The following PTPRM variants were observed in gnomAD, a reference collection of about 807,000 sequenced individuals.
The protein encoded by PTPRM is protein tyrosine phosphatase receptor type M.
A neutral mutation model predicts 186.7 loss-of-function variants in PTPRM; 47 were observed. That is an observed-to-expected ratio of 0.25 (90% CI 0.20 to 0.32). PTPRM has a LOEUF of 0.32. Ranked by LOEUF, PTPRM falls within the 10% of genes least tolerant of loss-of-function variation. The pLI is 1.00. For synonymous variants in PTPRM, 668 were observed against 674.9 expected, an observed-to-expected ratio of 0.99 and a Z score of 0.16; for missense variants, 1,494 against 1,865.0, an observed-to-expected ratio of 0.80 and a Z score of 3.66.
intron 7 of PTPRM, among the ~76,000 whole-genome samples, chr18:8,011,294 A>T (rs892159455): frequency 1.3e-5 from 2 of 152,118 alleles, no homozygotes; most frequent in African/African-American, 2.4e-5. Flanking sequence ...CAATGTCCCA[A>T]ATCTCTGAAA....
intron 14 of PTPRM, among the ~76,000 whole-genome samples, chr18:8,181,343 G>A (rs150990323): frequency 2.5e-4 from 38 of 152,280 alleles, no homozygotes; most frequent in African/African-American, 5.8e-4. Flanking sequence ...CATAGAAAGC[G>A]TGGCAATTGC....
At position 8,400,613 on chromosome 18, in the gene PTPRM, C is replaced by G. The variant is rs146520776; in HGVS notation, c.4345-5496C>G. Among the ~76,000 whole-genome samples, 404 of 152,302 alleles carry G rather than the reference C, an allele frequency of 2.7e-3. 2 individuals carry two copies. The highest frequency in any genetic ancestry group is 7.8e-3 in the African/African-American group (326 of 41,552). ...TGTTCACAGCTCGCCGCCCCCTCCC[C>G]CTCCGTCCCACTTACTCCAGAGCCA... On this transcript the variant is annotated intron_variant, in intron 32 of 32. Coordinates refer to ENST00000580170, the MANE Select transcript of PTPRM (RefSeq NM_001105244.2).
chr18:7,757,795 G>A (rs966232888), intron 1 of PTPRM, among the ~76,000 whole-genome samples: 1 of 152,180 alleles, frequency 6.6e-6, no homozygotes, highest in Non-Finnish European at 1.5e-5. Flanking sequence ...ATGTCCAGAA[G>A]GGGGTCTGAG....
chr18:8,117,626 A>G (rs1021591001), intron 13 of PTPRM, among the ~76,000 whole-genome samples: 1 of 152,218 alleles, frequency 6.6e-6, no homozygotes, highest in Non-Finnish European at 1.5e-5. Flanking sequence ...ATTATTATAT[A>G]TCTCCATACG....
intron 23 of PTPRM, among the ~76,000 whole-genome samples, chr18:8,367,660 G>A (rs2095640251): frequency 6.6e-6 from 1 of 152,242 alleles, no homozygotes; most frequent in African/African-American, 2.4e-5. Flanking sequence ...GCCCGAGAGG[G>A]CCCAGGGTCG....
chr18:7,843,188 G>A (rs1168452853), intron 2 of PTPRM, among the ~76,000 whole-genome samples: 2 of 151,702 alleles, frequency 1.3e-5, no homozygotes, highest in Non-Finnish European at 2.9e-5. Context: ...GGACTCCAGG[G>A]CTCACATGTT....
intron 1 of PTPRM, among the ~76,000 whole-genome samples, chr18:7,630,409 C>G (rs1294938382): frequency 6.6e-6 from 1 of 152,074 alleles, no homozygotes; most frequent in Non-Finnish European, 1.5e-5. Context: ...GTGACTTCAG[C>G]AAGAGCCGTT....
At chr18:7,681,858 C>T (rs1166406623) in intron 1 of PTPRM, among the ~76,000 whole-genome samples, 2 of 152,090 alleles carry the variant, frequency 1.3e-5, no homozygotes, top group African/African-American at 4.8e-5. Flanking sequence ...AGGAGAGGGG[C>T]CCCTGGAAGT....
intron 2 of PTPRM, among the ~76,000 whole-genome samples, chr18:7,810,338 G>A (rs1013480517): frequency 1.3e-5 from 2 of 152,228 alleles, no homozygotes; most frequent in African/African-American, 4.8e-5. Flanking sequence ...TTGTGCATGT[G>A]TTACTGTGCT....
rs150231602 is a variant in PTPRM at position 8,375,701 on chromosome 18, C to T, written c.3172-345C>T. ...TCTTTCTCTACAGACTCTCACCTCA[C>T]CAGCCACCTTGTGATCTAAGTGAGA... On this transcript the variant is annotated intron_variant, in intron 24 of 32. Transcript: ENST00000580170. Among the ~76,000 whole-genome samples the T allele has an allele frequency of 3.4e-3, 511 of 152,334 alleles. 2 individuals are homozygous for T. The highest frequency in any genetic ancestry group is 0.012 in the African/African-American group (479 of 41,578).
intron 1 of PTPRM, among the ~76,000 whole-genome samples, chr18:7,601,611 C>G (rs1442584423): frequency 6.6e-6 from 1 of 152,234 alleles, no homozygotes; most frequent in Non-Finnish European, 1.5e-5. Flanking sequence ...TTATTCTCTT[C>G]TGTGTGTCTC....
intron 7 of PTPRM, among the ~76,000 whole-genome samples, chr18:8,031,397 C>T (rs1428115136): frequency 6.6e-6 from 1 of 152,090 alleles, no homozygotes; most frequent in African/African-American, 2.4e-5. Context: ...GGACATCATG[C>T]GTTTGATATT....
At chr18:8,099,349 G>A (rs1240729743) in intron 11 of PTPRM, among the ~76,000 whole-genome samples, 2 of 152,142 alleles carry the variant, frequency 1.3e-5, no homozygotes, top group Non-Finnish European at 2.9e-5. Context: ...CTCCTTCAGG[G>A]CCAGGCCTGT....
At chr18:8,014,592 G>C (rs1004063532) in intron 7 of PTPRM, among the ~76,000 whole-genome samples, 2 of 152,158 alleles carry the variant, frequency 1.3e-5, no homozygotes, top group South Asian at 2.1e-4. Flanking sequence ...AAATGTAAAA[G>C]TATATATTAG....
intron 13 of PTPRM, among the ~76,000 whole-genome samples, chr18:8,131,969 C>G (rs536506387): frequency 3.3e-5 from 5 of 152,296 alleles, no homozygotes; most frequent in African/African-American, 1.2e-4. Flanking sequence ...AGCAATGCAT[C>G]ACTTTAGCAG....
Position 8,320,630 on chromosome 18 carries a change from G to T in PTPRM, c.2956+1416G>T, listed in dbSNP as rs527893993. ...CATTGGACAGCAAAGCTTTGGGGTG[G>T]AAAAGCTCCAGCTATGGCTGAAATG... On this transcript the variant is annotated intron_variant, in intron 22 of 32. Transcript: ENST00000580170. 2.0e-5 allele frequency among the ~76,000 whole-genome samples: 3 copies of T among 152,268 alleles called. No homozygotes were observed. The South Asian group carries it at 6.2e-4, about 32-fold the overall frequency.
intron 1 of PTPRM, among the ~76,000 whole-genome samples, chr18:7,611,367 C>G (rs1474584499): frequency 6.6e-6 from 1 of 152,212 alleles, no homozygotes; most frequent in Non-Finnish European, 1.5e-5. Flanking sequence ...TCACCACTCA[C>G]TGACCCATCC....
intron 23 of PTPRM, among the ~76,000 whole-genome samples, chr18:8,362,849 G>T (rs1176734127): frequency 1.3e-5 from 2 of 152,198 alleles, no homozygotes; most frequent in African/African-American, 4.8e-5. Flanking sequence ...CCATTTTACA[G>T]ATGGGAAAAT....
chr18:7,860,853 G>A (rs1227954109), intron 2 of PTPRM, among the ~76,000 whole-genome samples: 2 of 152,200 alleles, frequency 1.3e-5, no homozygotes, highest in Non-Finnish European at 2.9e-5. Context: ...TCCTGTCTTT[G>A]TAGACCATCC....
Sources: gnomAD v4.1 joint callset for allele counts (sites outside exome capture counted in the v4.1 genomes callset) on GRCh38, gnomAD v4.1.1 for gene constraint, MANE v1.5 for transcripts, NCBI Gene and HGNC (gene_info 2026-07-23, HGNC 2026-07-21) for gene names.